SMIM9: variants seen among roughly 807,000 people sequenced by gnomAD.
The protein encoded by SMIM9 is chromosome X open reading frame 68.
In SMIM9, 8 loss-of-function variants were observed where a neutral mutation model predicts 7.2. That is an observed-to-expected ratio of 1.10 (90% CI 0.65 to 1.99). The LOEUF (loss-of-function observed/expected upper bound fraction) is 1.99, where lower values mean the gene tolerates loss of function less well. SMIM9 is among the 30% of genes most tolerant of loss of function. The probability of loss-of-function intolerance (pLI) is 0.00; values close to 1 mark genes in which losing one functional copy is unlikely to be tolerated. For synonymous variants in SMIM9, 19 were observed against 26.4 expected (o/e 0.72, Z 0.86); for missense variants, 76 against 69.3 (o/e 1.10, Z -0.34).
chrX:154,833,446 G>A (rs782171418), intron 1 of SMIM9, among the ~76,000 whole-genome samples: 1 of 111,903 alleles, frequency 8.9e-6, no homozygotes, highest in African/African-American at 3.3e-5. Context: ...GCAACATAGC[G>A]AGATCCTGTC....
At chrX:154,828,961 C>A (rs1275524939) in intron 4 of SMIM9, among the ~76,000 whole-genome samples, 2 of 111,713 alleles carry the variant, frequency 1.8e-5, no homozygotes, top group Admixed American at 1.9e-4. Context: ...TAGGTCTCCC[C>A]ACTTGGACTC....
intron 4 of SMIM9, among the ~76,000 whole-genome samples, chrX:154,824,566 A>G (rs781841845): frequency 3.9e-4 from 43 of 111,446 alleles, no homozygotes; most frequent in African/African-American, 1.4e-3. Context: ...AGACTAAACT[A>G]TATATCTTCT....
intron 3 of SMIM9, among the ~76,000 whole-genome samples, chrX:154,829,918 C>T (rs782637504): frequency 3.6e-5 from 4 of 112,178 alleles, no homozygotes; most frequent in South Asian, 7.4e-4. Flanking sequence ...ATTGTTGTTT[C>T]GGATATCTTG....
rs1370922026 is a variant in SMIM9 at position 154,827,149 on chromosome X, C to G, written c.272+2386G>C. 8.0e-5 allele frequency among the ~76,000 whole-genome samples: 9 copies of G among 112,461 alleles called. No individual in the cohort carries two copies. In the Admixed American group the frequency reaches 8.5e-4, roughly 11 times the overall value. ...TTTCTTGGCATATTGCCTGCTTTAT[C>G]TTCACAGAAGTCCCTCTGAATATTA... On this transcript the variant is annotated intron_variant, in intron 4 of 4. Transcript: ENST00000369529.
intron 4 of SMIM9, among the ~76,000 whole-genome samples, chrX:154,829,319 A>T (rs187133446): frequency 8.9e-6 from 1 of 112,481 alleles, no homozygotes; most frequent in East Asian, 2.8e-4. Flanking sequence ...CCTGTCAGTC[A>T]CTGGTAACAA....
chrX:154,829,891 G>C (rs2072437339), intron 3 of SMIM9, among the ~76,000 whole-genome samples: 1 of 112,579 alleles, frequency 8.9e-6, no homozygotes, highest in African/African-American at 3.2e-5. Context: ...CTCCTTGTAA[G>C]TCAAATAGGA....
chrX:154,823,873 T>TTC, intron 4 of SMIM9, 91 bp from the exon 5 acceptor site: 2 of 845,667 alleles, frequency 2.4e-6, no homozygotes, highest in Non-Finnish European at 3.2e-6. Context: ...ACACCAGTTT[T>TTC]TCTCTTAATA....
chrX:154,832,087 C>T (rs1223577560), intron 2 of SMIM9, among the ~76,000 whole-genome samples: 1 of 110,947 alleles, frequency 9.0e-6, no homozygotes, highest in Non-Finnish European at 1.9e-5. Flanking sequence ...ATAGGGTATC[C>T]AGGTGCTCAA....
At chrX:154,825,085 C>T (rs1429575192) in intron 4 of SMIM9, among the ~76,000 whole-genome samples, 1 of 112,002 alleles carries the variant, frequency 8.9e-6, no homozygotes, top group African/African-American at 3.2e-5. Context: ...TTAATTTCTG[C>T]AACACTTAAA....
In SMIM9 at chrX:154,833,381, T is replaced by G. The variant is rs782520930; in HGVS notation, c.-209-698A>C. Among the ~76,000 whole-genome samples the G allele has an allele frequency of 2.7e-5, 3 of 112,303 alleles. No homozygotes were observed. The East Asian group carries it at 8.3e-4, about 31-fold the overall frequency. ...GGCAGACGCCTGTCATCCCAGCACT[T>G]TGGGAGGCTGAGACAGGAGGATAGC... On this transcript the variant is annotated intron_variant, in intron 1 of 4. Transcript: ENST00000369529.
At chrX:154,825,546 T>C (rs1380687681) in intron 4 of SMIM9, among the ~76,000 whole-genome samples, 1 of 110,903 alleles carries the variant, frequency 9.0e-6, no homozygotes, top group Non-Finnish European at 1.9e-5. Flanking sequence ...GAAATACCAT[T>C]TGACCCAGCC....
Position 154,823,707 on chromosome X carries a change from G to A in SMIM9, c.*48C>T. 9.1e-7 allele frequency: 1 copy of A among 1,098,001 alleles called. No homozygotes were observed. Among genetic ancestry groups the A allele is most frequent in the Non-Finnish European group, 1.2e-6 (1 of 828,697 alleles). The allele number at this position is 1,098,001 out of a possible 1,213,427, so 90.5% of individuals were successfully genotyped here. A position where few individuals can be genotyped will look rare whatever the true frequency, so the allele number is the denominator to read the frequency against. On this transcript the variant is annotated 3_prime_UTR_variant, in exon 5 of 5. Transcript: ENST00000369529. ...AGATAGCAAATGCCCCACTCTTTTGGAGTCCAACTGGAGAGACCACACTTG... is the reference window on the plus strand; with the variant it reads ...AGATAGCAAATGCCCCACTCTTTTGAAGTCCAACTGGAGAGACCACACTTG...
chrX:154,831,930 CTGCT>C (rs1315373917), intron 2 of SMIM9, among the ~76,000 whole-genome samples: 1 of 110,396 alleles, frequency 9.1e-6, no homozygotes, highest in Non-Finnish European at 1.9e-5. Context: ...ATTGTCTTAC[CTGCT>C]TGATTTTTCT....
intron 4 of SMIM9, among the ~76,000 whole-genome samples, chrX:154,828,190 C>A (rs1226291726): frequency 8.9e-6 from 1 of 111,789 alleles, no homozygotes; most frequent in East Asian, 2.8e-4. Flanking sequence ...ATCACTGTGT[C>A]CAGCTCAAAG....
chrX:154,830,807 G>C lies in SMIM9; in HGVS notation c.50C>G (p.Thr17Ser). The change falls in exon 3 of 5, where the codon ACT becomes AGT. Residue 17 changes from threonine (T) to serine (S), a missense_variant. Coordinates refer to ENST00000369529, the MANE Select transcript of SMIM9 (RefSeq NM_001162936.4). ...AGCTACTGTCTCCAACAAGAGGCAA[G>C]TTAGAGAGCATAGCAGAAATCCAAT... Reference protein sequence around the residue: ...LIIGFLLCSLTCLLLETVASS... With the variant: ...LIIGFLLCSLSCLLLETVASS... 1 of 1,167,859 alleles carries C rather than the reference G, an allele frequency of 8.6e-7. No individual in the cohort carries two copies. The highest frequency in any genetic ancestry group is 1.1e-6 in the Non-Finnish European group (1 of 872,967).
At chrX:154,826,830 C>T (rs1300056461) in intron 4 of SMIM9, among the ~76,000 whole-genome samples, 1 of 112,599 alleles carries the variant, frequency 8.9e-6, no homozygotes, top group Non-Finnish European at 1.9e-5. Context: ...CTTCATGATG[C>T]TGAGGTATGT....
rs1557270534 is a variant in SMIM9, at chrX:154,830,865, G to A, written c.-9C>T. ...AGCTTCTGGGGTTCCATGGACTCCCGCCTTCAGCTGCGGCTGAAGAGCTGG... is the reference window on the plus strand; with the variant it reads ...AGCTTCTGGGGTTCCATGGACTCCCACCTTCAGCTGCGGCTGAAGAGCTGG... On this transcript the variant is annotated 5_prime_UTR_variant, in exon 3 of 5. Coordinates refer to ENST00000369529, the MANE Select transcript of SMIM9 (RefSeq NM_001162936.4). 4.3e-6 allele frequency: 5 copies of A among 1,162,434 alleles called. No homozygotes were observed. The highest frequency in any genetic ancestry group is 5.7e-6 in the Non-Finnish European group (5 of 870,081).
intron 1 of SMIM9, among the ~76,000 whole-genome samples, chrX:154,833,673 T>C (rs1358032785): frequency 9.2e-6 from 1 of 108,940 alleles, no homozygotes; most frequent in African/African-American, 3.4e-5. Context: ...CATGTATACC[T>C]ACGTAACAAA....
intron 4 of SMIM9, among the ~76,000 whole-genome samples, chrX:154,824,280 C>CT (rs1776276295): frequency 9.8e-6 from 1 of 102,386 alleles, no homozygotes; most frequent in Admixed American, 1.1e-4. Context: ...TGGCGTGAAC[C>CT]CGGAGGCGGA....
Sources: gnomAD v4.1 joint callset for allele counts (sites outside exome capture counted in the v4.1 genomes callset) on GRCh38, gnomAD v4.1.1 for gene constraint, MANE v1.5 for transcripts, NCBI Gene and HGNC (gene_info 2026-07-23, HGNC 2026-07-21) for gene names.